The following LCOR variants were observed in gnomAD, a reference collection of about 807,000 sequenced individuals.
LCOR encodes the protein ligand dependent nuclear receptor corepressor.
LCOR carries 14 observed loss-of-function variants against 64.4 expected under a neutral mutation model. The ratio of observed to expected loss-of-function variants is 0.22; its 90% confidence interval spans 0.14 to 0.34. LCOR has a LOEUF of 0.34. LCOR is among the 10% of genes least tolerant of loss of function. The pLI, the probability that LCOR is intolerant of heterozygous loss-of-function variation, is 1.00. For synonymous variants in LCOR, 643 were observed against 642.5 expected (o/e 1.00, Z -0.01); for missense variants, 1,686 against 1,765.3 (o/e 0.96, Z 0.80).
At chr10:96,886,273 T>G (rs535542838) in intron 2 of LCOR, among the ~76,000 whole-genome samples, 1 of 152,218 alleles carries the variant, frequency 6.6e-6, no homozygotes, top group Non-Finnish European at 1.5e-5. Flanking sequence ...ATAAGAGATA[T>G]ACAGGTTGAG....
At chr10:96,888,315 G>C (rs1275460226) in intron 2 of LCOR, among the ~76,000 whole-genome samples, 1 of 113,440 alleles carries the variant, frequency 8.8e-6, no homozygotes, top group African/African-American at 3.4e-5. Flanking sequence ...CAGTGAGCCA[G>C]ATCATGCCAC....
intron 6 of LCOR, among the ~76,000 whole-genome samples, chr10:96,950,131 A>T (rs1013313716): frequency 6.6e-6 from 1 of 152,196 alleles, no homozygotes. Context: ...TTTTATTGTC[A>T]TAGAAATCTT....
intron 4 of LCOR, among the ~76,000 whole-genome samples, chr10:96,939,391 A>C (rs1471223655): frequency 6.6e-6 from 1 of 152,252 alleles, no homozygotes; most frequent in Non-Finnish European, 1.5e-5. Flanking sequence ...CCCTAAAAGT[A>C]TAAAATTCTT....
chr10:96,879,087 C>T (rs186350915), intron 2 of LCOR, among the ~76,000 whole-genome samples: 165 of 152,292 alleles, frequency 1.1e-3, no homozygotes, highest in African/African-American at 3.8e-3. Context: ...TGAGCCACCA[C>T]GCCTGGCCTT....
chr10:96,949,098 C>T lies in LCOR; in HGVS notation c.41C>T (p.Ser14Leu), dbSNP rs745504616. The T allele has an allele frequency of 6.2e-7, 1 of 1,613,904 alleles. No homozygotes were observed. Among genetic ancestry groups the T allele is most frequent in the Non-Finnish European group, 8.5e-7 (1 of 1,179,928 alleles). ...CAACAATTTGCTGCTGAATATACCT[C>T]AAAAAATAGCTCTACTCAGGACCCC... ...MIQQFAAEYT[S>L]KNSSTQDPSQ... is the part of the protein sequence containing the mutation. The change falls in exon 6 of 8, where the codon TCA becomes TTA. Residue 14 changes from serine to leucine, a missense_variant. Transcript: ENST00000421806.
At chr10:96,864,363 A>G (rs376372893) in intron 2 of LCOR, among the ~76,000 whole-genome samples, 4 of 152,330 alleles carry the variant, frequency 2.6e-5, no homozygotes, top group East Asian at 3.9e-4. Flanking sequence ...TTTTCAAACA[A>G]GGAAAAATCC....
intron 7 of LCOR, among the ~76,000 whole-genome samples, chr10:96,967,773 GAAGT>G (rs950384721): frequency 6.6e-4 from 100 of 152,240 alleles, no homozygotes; most frequent in African/African-American, 2.3e-3. Flanking sequence ...TTTTTGTTAT[GAAGT>G]GTGTATGAAT....
At chr10:96,857,124 T>A (rs1289315286) in intron 2 of LCOR, among the ~76,000 whole-genome samples, 1 of 152,152 alleles carries the variant, frequency 6.6e-6, no homozygotes, top group Non-Finnish European at 1.5e-5. Context: ...TATTTGAATC[T>A]TGCAGAGTTA....
intron 2 of LCOR, among the ~76,000 whole-genome samples, chr10:96,882,167 A>C (rs1358386718): frequency 6.6e-6 from 1 of 152,212 alleles, no homozygotes; most frequent in East Asian, 1.9e-4. Context: ...CAAAACAAAA[A>C]AAAAGTGGGA....
Position 96,981,996 on chromosome 10 carries a change from G to A in LCOR, c.1536G>A (p.Glu512=). The change falls in exon 8 of 8, where the codon GAG becomes GAA. Residue 512 remains glutamate, a synonymous_variant. Transcript: ENST00000421806. Reference sequence around the variant, plus strand: ...ACTTTTTCAATGGTGACTGTTGTGAGCTGCCAACTGTTCGTACACTGGCCA... The same window carrying A: ...ACTTTTTCAATGGTGACTGTTGTGAACTGCCAACTGTTCGTACACTGGCCA... The part of the protein sequence containing the change: ...RGYFFNGDCC[E]LPTVRTLARN... 6.2e-7 allele frequency: 1 copy of A among 1,614,002 alleles called. No homozygotes were observed. Among genetic ancestry groups the A allele is most frequent in the African/African-American group, 1.3e-5 (1 of 75,044 alleles).
At chr10:96,960,404 G>C (rs776584127) in intron 7 of LCOR, 6 of 152,166 alleles carry the variant, frequency 3.9e-5, no homozygotes, top group Non-Finnish European at 7.4e-5. Context: ...TTCTTTAACA[G>C]CTTTTATCTT....
intron 4 of LCOR, among the ~76,000 whole-genome samples, chr10:96,933,587 C>A (rs1847300160): frequency 6.6e-6 from 1 of 152,154 alleles, no homozygotes; most frequent in South Asian, 2.1e-4. Context: ...GTGGCACGAT[C>A]TGGGCTCACT....
intron 2 of LCOR, among the ~76,000 whole-genome samples, chr10:96,847,380 C>G (rs531677139): frequency 4.2e-4 from 63 of 150,324 alleles, no homozygotes; most frequent in African/African-American, 1.5e-3. Context: ...GGTAACAGTC[C>G]TGAATGAGTT....
chr10:96,863,878 ATTTTGTC>A (rs1316905973), intron 2 of LCOR, among the ~76,000 whole-genome samples: 1 of 151,854 alleles, frequency 6.6e-6, no homozygotes, highest in African/African-American at 2.4e-5. Context: ...TAACCTGCCT[ATTTTGTC>A]TTTTGTTTTT....
At chr10:96,876,898 T>C (rs750705376) in intron 2 of LCOR, among the ~76,000 whole-genome samples, 10 of 151,984 alleles carry the variant, frequency 6.6e-5, no homozygotes, top group Non-Finnish European at 1.2e-4. Context: ...TTTCATTATG[T>C]TGGCCAGGTT....
chr10:96,888,297 G>A (rs1183404522), intron 2 of LCOR, among the ~76,000 whole-genome samples: 1 of 144,794 alleles, frequency 6.9e-6, no homozygotes, highest in Non-Finnish European at 1.5e-5. Context: ...CCCGGTGGGC[G>A]GAGGTTGCAG....
intron 4 of LCOR, among the ~76,000 whole-genome samples, chr10:96,943,753 A>T (rs757304864): frequency 1.0e-4 from 13 of 127,644 alleles, no homozygotes; most frequent in Non-Finnish European, 1.6e-4. Context: ...TTGGTAAATT[A>T]AAAAAAAAAA....
chr10:96,870,770 T>C (rs552570735), intron 2 of LCOR, among the ~76,000 whole-genome samples: 2 of 152,318 alleles, frequency 1.3e-5, no homozygotes, highest in Admixed American at 6.5e-5. Flanking sequence ...AGTCCTTCTT[T>C]AGTCATTCTA....
intron 2 of LCOR, among the ~76,000 whole-genome samples, chr10:96,878,202 G>A (rs899058486): frequency 3.9e-5 from 6 of 152,184 alleles, no homozygotes; most frequent in Admixed American, 1.3e-4. Context: ...CATTGTAGGC[G>A]TTTGAGCAGG....
Sources: allele counts gnomAD v4.1 joint callset (sites outside exome capture counted in the v4.1 genomes callset), GRCh38; gene constraint gnomAD v4.1.1; transcripts MANE v1.5; gene names NCBI Gene and HGNC (gene_info 2026-07-23, HGNC 2026-07-21).